Variants in RBFOX1 observed in about 807,000 individuals in gnomAD.
RBFOX1 encodes RNA binding protein fox-1 homolog 1.
In RBFOX1, 8 loss-of-function variants were observed where a neutral mutation model predicts 57.7. The observed-to-expected ratio is 0.14, with a 90% CI of 0.08 to 0.25. The LOEUF (loss-of-function observed/expected upper bound fraction) is 0.25. RBFOX1 is among the 10% of genes least tolerant of loss of function. RBFOX1 has a pLI of 1.00. For synonymous variants in RBFOX1, 326 were observed against 222.4 expected (o/e 1.47, Z -4.15); for missense variants, 611 against 548.5 (o/e 1.11, Z -1.14).
intron 5 of RBFOX1, among the ~76,000 whole-genome samples, chr16:7,548,129 C>T (rs900698262): frequency 3.3e-5 from 5 of 152,074 alleles, no homozygotes; most frequent in South Asian, 2.1e-4. Flanking sequence ...TGAAACAAAC[C>T]GAGGAGTTAT....
chr16:6,210,480 A>G (rs2097289015), intron 1 of RBFOX1, among the ~76,000 whole-genome samples: 1 of 152,040 alleles, frequency 6.6e-6, no homozygotes, highest in African/African-American at 2.4e-5. Context: ...CTATAATCCC[A>G]GCACTTTAAG....
Position 6,696,202 on chromosome 16 carries a change from TAAA to T in RBFOX1, c.-16+41553_-16+41555del, listed in dbSNP as rs2061015942. On this transcript the variant is annotated intron_variant, in intron 3 of 15. Coordinates refer to ENST00000550418, the MANE Select transcript of RBFOX1 (RefSeq NM_018723.4). ...GAATAATACTCTCTAGTTGATATAA[TAAA>T]TATGCTTAAATTGAGGTATACAATA... Among the ~76,000 whole-genome samples the T allele has an allele frequency of 1.3e-5, 2 of 152,198 alleles. 1 individual carries two copies. Among genetic ancestry groups the T allele is most frequent in the South Asian group, 4.1e-4 (2 of 4,830 alleles).
At chr16:6,033,874 C>G (rs996952024) in intron 1 of RBFOX1, among the ~76,000 whole-genome samples, 3 of 152,200 alleles carry the variant, frequency 2.0e-5, no homozygotes, top group African/African-American at 7.2e-5. Context: ...GAGCTGCACC[C>G]TTACATGTTG....
rs570847009 is a variant in RBFOX1 at position 5,247,201 on chromosome 16, C to G, written c.219+7096C>G. Among the ~76,000 whole-genome samples the G allele has an allele frequency of 3.8e-4, 58 of 152,298 alleles. No individual in the cohort carries two copies. The South Asian group carries it at 1.0e-2, about 26-fold the overall frequency. On this transcript the variant is annotated intron_variant, in intron 1 of 2. Transcript: ENST00000585867. ...GGGGAGGAGGGGGAAAAGATTCACT[C>G]TAAGTCTAGATGCTCTAGCACCCAC...
chr16:5,396,551 A>G lies in RBFOX1; in HGVS notation c.220-70665A>G, dbSNP rs559291969. Among the ~76,000 whole-genome samples, 147 of 152,318 alleles carry G rather than the reference A, an allele frequency of 9.7e-4. 1 individual carries two copies. Among genetic ancestry groups the G allele is most frequent in the Non-Finnish European group, 1.4e-3 (95 of 68,014 alleles). On this transcript the variant is annotated intron_variant, in intron 1 of 2. Transcript: ENST00000585867. The stretch of plus-strand genomic sequence containing the variant: ...CAACTACTCAGGAGGCTGAGGCACA[A>G]GAATCACTTGAACTCAGGCGGCAGA...
At chr16:6,693,776 A>G (rs1369818899) in intron 3 of RBFOX1, among the ~76,000 whole-genome samples, 1 of 151,082 alleles carries the variant, frequency 6.6e-6, no homozygotes, top group Non-Finnish European at 1.5e-5. Flanking sequence ...TAGCAACATC[A>G]TCTTCCTCCG....
intron 3 of RBFOX1, among the ~76,000 whole-genome samples, chr16:5,795,725 C>T (rs1567552517): frequency 1.3e-5 from 2 of 152,190 alleles, no homozygotes; most frequent in Non-Finnish European, 2.9e-5. Flanking sequence ...ATCCATTTCC[C>T]CCATTATATA....
intron 14 of RBFOX1, among the ~76,000 whole-genome samples, chr16:7,680,509 A>G (rs1231476073): frequency 6.6e-6 from 1 of 152,164 alleles, no homozygotes; most frequent in Non-Finnish European, 1.5e-5. Flanking sequence ...GAAGCAAGAC[A>G]GTTTTTCACT....
At chr16:5,927,151 G>T (rs2058956028) in intron 4 of RBFOX1, among the ~76,000 whole-genome samples, 1 of 152,126 alleles carries the variant, frequency 6.6e-6, no homozygotes, top group Non-Finnish European at 1.5e-5. Flanking sequence ...TGGAAACTAT[G>T]ATTATTTTTC....
intron 3 of RBFOX1, among the ~76,000 whole-genome samples, chr16:6,656,841 C>CT (rs1388926708): frequency 6.6e-6 from 1 of 151,528 alleles, no homozygotes; most frequent in African/African-American, 2.4e-5. Context: ...TCTCTAAGGA[C>CT]TTTTTTTAAA....
chr16:6,743,138 A>G (rs551744588), intron 3 of RBFOX1, among the ~76,000 whole-genome samples: 2 of 152,326 alleles, frequency 1.3e-5, no homozygotes, highest in East Asian at 1.9e-4. Flanking sequence ...TGCCTTTTAT[A>G]GTGTTACTGT....
intron 3 of RBFOX1, among the ~76,000 whole-genome samples, chr16:6,747,966 C>A (rs904127072): frequency 6.6e-6 from 1 of 152,156 alleles, no homozygotes; most frequent in African/African-American, 2.4e-5. Flanking sequence ...TTTCTAAATC[C>A]TTTCTCTTTT....
chr16:5,578,957 C>T (rs143674519), intron 2 of RBFOX1, among the ~76,000 whole-genome samples: 1 of 149,524 alleles, frequency 6.7e-6, no homozygotes, highest in African/African-American at 2.5e-5. Flanking sequence ...TAGTGATTCT[C>T]CTGCCTCAGC....
intron 2 of RBFOX1, among the ~76,000 whole-genome samples, chr16:5,531,497 A>G (rs2044476301): frequency 6.6e-6 from 1 of 152,206 alleles, no homozygotes; most frequent in Non-Finnish European, 1.5e-5. Flanking sequence ...ACCTTTTAGC[A>G]TGGGGCAATA....
intron 2 of RBFOX1, among the ~76,000 whole-genome samples, chr16:6,643,094 A>C (rs1336936238): frequency 6.6e-6 from 1 of 152,172 alleles, no homozygotes; most frequent in African/African-American, 2.4e-5. Context: ...TGTCTCCTCA[A>C]ATGATCACAT....
chr16:6,836,713 C>T (rs1469836207), intron 3 of RBFOX1, among the ~76,000 whole-genome samples: 5 of 152,176 alleles, frequency 3.3e-5, no homozygotes. Context: ...AGCTCCCTTG[C>T]TACAATAACA....
Position 5,461,365 on chromosome 16 carries a change from G to T in RBFOX1, c.220-5851G>T, listed in dbSNP as rs113355416. 2.6e-3 allele frequency among the ~76,000 whole-genome samples: 398 copies of T among 152,234 alleles called. 1 individual carries two copies. The highest frequency in any genetic ancestry group is 9.0e-3 in the African/African-American group (372 of 41,548). The stretch of plus-strand genomic sequence containing the variant: ...TTTCCCACGCCTCCTTTCCCCTGGA[G>T]GCACTCATTTCTAGACTTGGAGAGG... On this transcript the variant is annotated intron_variant, in intron 1 of 2. Coordinates refer to the RBFOX1 transcript ENST00000585867.
rs540495393 is a variant in RBFOX1, at chr16:7,276,545, C to G, written c.27+224447C>G. Among the ~76,000 whole-genome samples the G allele has an allele frequency of 4.6e-5, 7 of 152,098 alleles. No homozygotes were observed. The East Asian group carries it at 1.2e-3, about 25-fold the overall frequency. On this transcript the variant is annotated intron_variant, in intron 4 of 15. Transcript: ENST00000550418. ...GGAAATCTAAGTAGGAGGCTTCTAT[C>G]CTTGACTGATTTTTTTTTAAATTTT...
Position 6,884,238 on chromosome 16 carries a change from C to A in RBFOX1, c.-15-167819C>A, listed in dbSNP as rs890753480. ...CAGCCATGCTGCAGAGGCCAGGGAC[C>A]CAGGGAGCGTGGCAATAAGTATGTG... On this transcript the variant is annotated intron_variant, in intron 3 of 15. Transcript: ENST00000550418. Among the ~76,000 whole-genome samples the A allele has an allele frequency of 3.9e-5, 6 of 152,240 alleles. No individual in the cohort carries two copies. The South Asian group carries it at 1.0e-3, about 26-fold the overall frequency.
Sources: gnomAD v4.1 joint callset for allele counts (sites outside exome capture counted in the v4.1 genomes callset) on GRCh38, gnomAD v4.1.1 for gene constraint, MANE v1.5 for transcripts, NCBI Gene and HGNC (gene_info 2026-07-23, HGNC 2026-07-21) for gene names.